The following RSBN1L variants were observed in gnomAD, a reference collection of about 807,000 sequenced individuals.
RSBN1L encodes the protein lysine-specific demethylase RSBN1L.
Under a neutral mutation model 67.7 loss-of-function variants are expected in RSBN1L, and 30 were observed. That is an observed-to-expected ratio of 0.44 (90% CI 0.33 to 0.60). The LOEUF is 0.60. Among genes scored for constraint, RSBN1L ranks in the 20% least tolerant of loss-of-function variants. RSBN1L has a pLI of 0.02. For synonymous variants in RSBN1L, 433 were observed against 387.0 expected (o/e 1.12, Z -1.39); for missense variants, 992 against 1,031.7 (o/e 0.96, Z 0.53).
chr7:77,724,235 A>G (rs1027621428), intron 1 of RSBN1L, among the ~76,000 whole-genome samples: 3 of 152,040 alleles, frequency 2.0e-5, no homozygotes, highest in Admixed American at 6.6e-5. Flanking sequence ...ATGTGAGTAC[A>G]TATTATGTTA....
At chr7:77,737,339 G>A (rs1791350900) in intron 2 of RSBN1L, among the ~76,000 whole-genome samples, 1 of 152,116 alleles carries the variant, frequency 6.6e-6, no homozygotes, top group South Asian at 2.1e-4. Flanking sequence ...ACTTCATATT[G>A]AATTTAATTG....
At chr7:77,710,964 A>T (rs564547156) in intron 1 of RSBN1L, among the ~76,000 whole-genome samples, 2 of 152,196 alleles carry the variant, frequency 1.3e-5, no homozygotes, top group South Asian at 4.1e-4. Context: ...TGGGTCTGTG[A>T]TTATCTTCTT....
rs1399440292 is a variant in RSBN1L at position 77,696,820 on chromosome 7, C to T, written c.351C>T (p.Ser117=). 5.0e-6 allele frequency: 8 copies of T among 1,613,684 alleles called. No individual in the cohort carries two copies. The highest frequency in any genetic ancestry group is 6.8e-6 in the Non-Finnish European group (8 of 1,179,992). Residue 117 remains serine, a synonymous_variant, in exon 1 of 8, where the codon TCC becomes TCT. Coordinates refer to ENST00000334955, the MANE Select transcript of RSBN1L (RefSeq NM_198467.3). ...SAGTAVPSSA[S]ASLSQPVPRK... Reference sequence around the variant, plus strand: ...GCACGGCCGTTCCCTCCTCAGCCTCCGCTTCCTTGTCTCAGCCGGTGCCGC... The same window carrying T: ...GCACGGCCGTTCCCTCCTCAGCCTCTGCTTCCTTGTCTCAGCCGGTGCCGC...
intron 1 of RSBN1L, among the ~76,000 whole-genome samples, chr7:77,705,840 T>C (rs1259053290): frequency 6.6e-6 from 1 of 152,092 alleles, no homozygotes; most frequent in Admixed American, 6.6e-5. Context: ...TAGCTTGTAA[T>C]CTGTGGGGTG....
chr7:77,771,165 C>T (rs1167815939), intron 5 of RSBN1L, among the ~76,000 whole-genome samples: 1 of 152,204 alleles, frequency 6.6e-6, no homozygotes, highest in Non-Finnish European at 1.5e-5. Flanking sequence ...TGGTCTTGAT[C>T]TCTTGATCTC....
intron 5 of RSBN1L, among the ~76,000 whole-genome samples, chr7:77,769,074 G>C (rs1373635598): frequency 2.0e-5 from 3 of 152,164 alleles, no homozygotes; most frequent in Admixed American, 2.0e-4. Context: ...GTAATATTCA[G>C]AACCTATACT....
chr7:77,749,531 A>C lies in RSBN1L; in HGVS notation c.811A>C (p.Met271Leu). Residue 271 changes from methionine to leucine, a missense_variant, in exon 3 of 8, where the codon ATG becomes CTG. Physicochemically the swap from Met to Leu is conservative, Grantham distance 15. Transcript: ENST00000334955. ...KENEKRKRPK[M>L]YSKSIQTICS... ...GAATGAAAAACGGAAGCGTCCGAAA[A>C]TGTATAGCAAATCTATTCAGACCAT... The C allele has an allele frequency of 6.2e-7, 1 of 1,611,622 alleles. No homozygotes were observed. Among genetic ancestry groups the C allele is most frequent in the Non-Finnish European group, 8.5e-7 (1 of 1,179,496 alleles).
intron 1 of RSBN1L, among the ~76,000 whole-genome samples, chr7:77,718,953 C>G (rs777890795): frequency 6.6e-6 from 1 of 152,186 alleles, no homozygotes; most frequent in Non-Finnish European, 1.5e-5. Flanking sequence ...TGGCTAGATA[C>G]TGAACTGAGT....
intron 6 of RSBN1L, among the ~76,000 whole-genome samples, chr7:77,776,248 T>A (rs1384070972): frequency 1.0e-5 from 1 of 97,758 alleles, no homozygotes. Context: ...GGTTTTGCTC[T>A]ATTTTTGTGA....
At chr7:77,778,100 T>C (rs1198034790) in intron 6 of RSBN1L, among the ~76,000 whole-genome samples, 1 of 152,228 alleles carries the variant, frequency 6.6e-6, no homozygotes, top group Non-Finnish European at 1.5e-5. Flanking sequence ...TTTTCCAAAC[T>C]CTTGTGACAA....
chr7:77,722,552 C>A (rs1325411571), intron 1 of RSBN1L, among the ~76,000 whole-genome samples: 2 of 152,188 alleles, frequency 1.3e-5, no homozygotes, highest in Non-Finnish European at 2.9e-5. Context: ...TAAATCACTT[C>A]TTTCCCATTT....
At chr7:77,762,446 GTGTTT>G (rs1791707861) in intron 3 of RSBN1L, among the ~76,000 whole-genome samples, 1 of 152,072 alleles carries the variant, frequency 6.6e-6, no homozygotes, top group African/African-American at 2.4e-5. Context: ...TAATTTAGAC[GTGTTT>G]TGTTTTATTT....
In RSBN1L at chr7:77,696,688, A is replaced by G; in HGVS notation, c.219A>G (p.Ala73=). 2 of 1,612,784 alleles carry G rather than the reference A, an allele frequency of 1.2e-6. No individual in the cohort carries two copies. The highest frequency in any genetic ancestry group is 1.7e-6 in the Non-Finnish European group (2 of 1,179,374). ...GGNSRQLQPP[A]APSPQSYGSP... is the part of the protein sequence containing the mutation. Reference sequence around the variant, plus strand: ...ACAGCAGGCAGCTGCAGCCGCCGGCAGCACCTTCGCCTCAGAGCTATGGCA... The same window carrying G: ...ACAGCAGGCAGCTGCAGCCGCCGGCGGCACCTTCGCCTCAGAGCTATGGCA... The change falls in exon 1 of 8, where the codon GCA becomes GCG. Residue 73 remains alanine, a synonymous_variant. Coordinates refer to ENST00000334955, the MANE Select transcript of RSBN1L (RefSeq NM_198467.3).
intron 6 of RSBN1L, among the ~76,000 whole-genome samples, chr7:77,776,151 T>A (rs1048648649): frequency 6.6e-6 from 1 of 152,254 alleles, no homozygotes; most frequent in Non-Finnish European, 1.5e-5. Context: ...TGTGGTTCAC[T>A]TTTTTTATAT....
intron 1 of RSBN1L, among the ~76,000 whole-genome samples, chr7:77,719,987 ACTC>A (rs1380999951): frequency 1.3e-5 from 2 of 151,318 alleles, no homozygotes; most frequent in African/African-American, 4.9e-5. Context: ...CTGGCCTTGA[ACTC>A]CTGGCCTCAA....
intron 1 of RSBN1L, among the ~76,000 whole-genome samples, chr7:77,714,193 A>G (rs1791014012): frequency 6.6e-6 from 1 of 152,186 alleles, no homozygotes; most frequent in Admixed American, 6.5e-5. Context: ...CGATATTCTT[A>G]TTCAGAATTT....
At position 77,696,747 on chromosome 7, in the gene RSBN1L, C is replaced by T; in HGVS notation, c.278C>T (p.Ala93Val). The T allele has an allele frequency of 6.2e-7, 1 of 1,613,786 alleles. No individual in the cohort carries two copies. The highest frequency in any genetic ancestry group is 8.5e-7 in the Non-Finnish European group (1 of 1,179,984). The change falls in exon 1 of 8, where the codon GCT (alanine) becomes GTT (valine). Residue 93 changes from alanine (A) to valine (V), a missense_variant. Physicochemically the swap from Ala to Val is moderately conservative, Grantham distance 64. Transcript: ENST00000334955. ...TCTTGGAGCTTTGCCCCTCTGTCTG[C>T]TGCTCCCTCCCCGTCCTCTTCTCGG... ...PASWSFAPLSAAPSPSSSRSS... is the reference protein window; with the variant it reads ...PASWSFAPLSVAPSPSSSRSS...
In RSBN1L at chr7:77,749,630, G is replaced by A. The variant is rs762473102; in HGVS notation, c.910G>A (p.Val304Ile). The A allele has an allele frequency of 2.2e-5, 36 of 1,613,850 alleles. No individual in the cohort carries two copies. In the African/African-American group the frequency reaches 2.5e-4, roughly 11 times the overall value. Residue 304 changes from valine to isoleucine, a missense_variant, in exon 3 of 8, where the codon GTT (valine) becomes ATT (isoleucine). This residue lies in a region of RSBN1L where 575 missense variants were observed against 483.2 expected (regional missense o/e 1.19). Transcript: ENST00000334955. ...GILNDNIKDY[V>I]GKNLDTKNYD... Reference sequence around the variant, plus strand: ...CCTAAATGATAACATAAAAGATTACGTTGGGAAGAATTTGGATACCAAGAA... The same window carrying A: ...CCTAAATGATAACATAAAAGATTACATTGGGAAGAATTTGGATACCAAGAA...
chr7:77,767,953 C>T (rs985845844), intron 4 of RSBN1L, among the ~76,000 whole-genome samples: 6 of 146,870 alleles, frequency 4.1e-5, no homozygotes, highest in East Asian at 4.1e-4. Context: ...GAGGTTCAAG[C>T]GATTCTCCTG....
Sources: allele counts gnomAD v4.1 joint callset (sites outside exome capture counted in the v4.1 genomes callset), GRCh38; gene constraint gnomAD v4.1.1; regional missense constraint gnomAD v4.1.1; transcripts MANE v1.5; gene names NCBI Gene and HGNC (gene_info 2026-07-23, HGNC 2026-07-21).